The following AKAP19 variants were observed in gnomAD, a reference collection of about 807,000 sequenced individuals.
The protein encoded by AKAP19 is small A-kinase anchoring protein.
chr2:190,157,186 T>C, the AKAP19 span, among the ~76,000 whole-genome samples: 1 of 151,550 alleles, frequency 6.6e-6, no homozygotes, highest in East Asian at 1.9e-4. Flanking sequence ...GCACAGAGAG[T>C]TTTTAAAAAC....
the AKAP19 span, among the ~76,000 whole-genome samples, chr2:190,010,065 A>G: frequency 2.0e-5 from 3 of 152,224 alleles, no homozygotes; most frequent in South Asian, 2.1e-4. Context: ...AATAAACACC[A>G]TGCTCATGTG....
chr2:190,149,279 CT>C, the AKAP19 span, among the ~76,000 whole-genome samples: 122 of 151,476 alleles, frequency 8.1e-4, no homozygotes, highest in African/African-American at 2.8e-3. Flanking sequence ...AAAGAACCAG[CT>C]TTTTTTTTCA....
chr2:190,184,727 A>T, the AKAP19 span, among the ~76,000 whole-genome samples: 2 of 152,148 alleles, frequency 1.3e-5, no homozygotes, highest in African/African-American at 4.8e-5. Context: ...CTGGGTGGAG[A>T]TAAAGGCGAG....
chr2:190,128,596 C>T, the AKAP19 span, among the ~76,000 whole-genome samples: 1 of 152,182 alleles, frequency 6.6e-6, no homozygotes, highest in African/African-American at 2.4e-5. Flanking sequence ...ACAAATAATA[C>T]ATGTTTATGA....
the AKAP19 span, among the ~76,000 whole-genome samples, chr2:190,187,491 G>A: frequency 3.3e-5 from 5 of 150,502 alleles, no homozygotes; most frequent in Non-Finnish European, 7.4e-5. Context: ...CCTTCCACTG[G>A]CATATTCCCA....
chr2:190,191,057 G>A, the AKAP19 span, among the ~76,000 whole-genome samples: 4 of 152,166 alleles, frequency 2.6e-5, no homozygotes, highest in Non-Finnish European at 5.9e-5. Context: ...ATGCCTTTGA[G>A]TCATCCATAT....
chr2:190,070,429 A>T, the AKAP19 span, among the ~76,000 whole-genome samples: 2 of 151,874 alleles, frequency 1.3e-5, no homozygotes, highest in South Asian at 2.1e-4. Context: ...AACTAGGTAC[A>T]ACCTTGACTT....
At chr2:190,141,824 TA>T in the AKAP19 span, among the ~76,000 whole-genome samples, 16 of 152,306 alleles carry the variant, frequency 1.1e-4, no homozygotes, top group Middle Eastern at 3.4e-3. Flanking sequence ...AGAGAAGCTT[TA>T]TATTGCAAGT....
At chr2:190,035,939 A>T in the AKAP19 span, among the ~76,000 whole-genome samples, 1 of 152,156 alleles carries the variant, frequency 6.6e-6, no homozygotes, top group Non-Finnish European at 1.5e-5. Flanking sequence ...CTAGGCATGG[A>T]ATTGCTAGAT....
the AKAP19 span, among the ~76,000 whole-genome samples, chr2:190,067,066 A>G: frequency 3.9e-4 from 60 of 152,300 alleles, no homozygotes; most frequent in African/African-American, 1.4e-3. Context: ...ACTCTCAAAA[A>G]CTATTTAGAA....
chr2:190,038,316 G>T, the AKAP19 span, among the ~76,000 whole-genome samples: 3 of 152,222 alleles, frequency 2.0e-5, no homozygotes, highest in African/African-American at 7.2e-5. Flanking sequence ...TCAACAAGCT[G>T]CACCCTCTTG....
the AKAP19 span, among the ~76,000 whole-genome samples, chr2:190,087,196 A>G: frequency 6.6e-6 from 1 of 152,218 alleles, no homozygotes; most frequent in Non-Finnish European, 1.5e-5. Flanking sequence ...AAGTGGCAAC[A>G]TAAGTTGTCA....
At chr2:190,140,262 A>G in the AKAP19 span, among the ~76,000 whole-genome samples, 1 of 152,046 alleles carries the variant, frequency 6.6e-6, no homozygotes, top group African/African-American at 2.4e-5. Context: ...TGGCTTTTCC[A>G]GATACACGGT....
At chr2:190,122,899 A>G in the AKAP19 span, among the ~76,000 whole-genome samples, 11 of 151,316 alleles carry the variant, frequency 7.3e-5, no homozygotes, top group African/African-American at 2.7e-4. Context: ...AACCTTGAAC[A>G]CTTGGGCTCA....
chr2:190,145,969 T>C, the AKAP19 span, among the ~76,000 whole-genome samples: 1 of 67,526 alleles, frequency 1.5e-5, no homozygotes, highest in African/African-American at 4.1e-5. Context: ...CTGATGGTTA[T>C]TCCATTTTTC....
the AKAP19 span, among the ~76,000 whole-genome samples, chr2:189,894,786 A>G: frequency 2.0e-5 from 3 of 151,484 alleles, no homozygotes; most frequent in Non-Finnish European, 2.9e-5. Flanking sequence ...TTAATGTGAA[A>G]GTTTTTGATG....
At chr2:189,923,080 G>A in the AKAP19 span, among the ~76,000 whole-genome samples, 3 of 152,200 alleles carry the variant, frequency 2.0e-5, no homozygotes, top group South Asian at 6.2e-4. Context: ...GAACATGGGA[G>A]GCGGAGGTTG....
At chr2:189,976,678 G>A in the AKAP19 span, among the ~76,000 whole-genome samples, 5 of 152,316 alleles carry the variant, frequency 3.3e-5, no homozygotes, top group South Asian at 6.2e-4. Context: ...CAGCAATGGC[G>A]GGCGCCCCTC....
chr2:189,908,341 G>A, the AKAP19 span, among the ~76,000 whole-genome samples: 3 of 151,872 alleles, frequency 2.0e-5, no homozygotes, highest in East Asian at 1.9e-4. Flanking sequence ...TTACAGGCAC[G>A]TGCCACCACA....
Sources: allele counts gnomAD v4.1 joint callset (sites outside exome capture counted in the v4.1 genomes callset), GRCh38; gene constraint gnomAD v4.1.1; transcripts MANE v1.5; gene names NCBI Gene and HGNC (gene_info 2026-07-23, HGNC 2026-07-21).